Variants in ELMO1 observed in about 807,000 individuals in gnomAD.
The protein encoded by ELMO1 is engulfment and cell motility protein 1.
Under a neutral mutation model 98.9 loss-of-function variants are expected in ELMO1, and 26 were observed. The observed-to-expected ratio is 0.26, with a 90% CI of 0.19 to 0.36. ELMO1 has a LOEUF of 0.36. Ranked by LOEUF, ELMO1 falls within the 10% of genes least tolerant of loss-of-function variation. ELMO1 has a pLI of 1.00. For missense variants in ELMO1, 627 were observed against 935.2 expected (o/e 0.67, Z 4.30); for synonymous variants, 346 against 346.0 (o/e 1.00, Z 0.00).
chr7:37,049,654 G>A (rs1387635912), intron 15 of ELMO1, among the ~76,000 whole-genome samples: 1 of 151,992 alleles, frequency 6.6e-6, no homozygotes, highest in East Asian at 1.9e-4. Flanking sequence ...CAGGAGGAGA[G>A]GGGTCCATCA....
intron 5 of ELMO1, among the ~76,000 whole-genome samples, chr7:37,260,784 C>A (rs745981983): frequency 6.6e-6 from 1 of 151,904 alleles, no homozygotes; most frequent in African/African-American, 2.4e-5. Context: ...GGGAGGAAAA[C>A]GAGAGCCCTC....
intron 1 of ELMO1, among the ~76,000 whole-genome samples, chr7:37,390,932 A>G (rs980197994): frequency 6.6e-6 from 1 of 152,154 alleles, no homozygotes; most frequent in Non-Finnish European, 1.5e-5. Flanking sequence ...CCCATCCCCA[A>G]CTGAATATGT....
intron 1 of ELMO1, among the ~76,000 whole-genome samples, chr7:37,420,576 C>A (rs936166303): frequency 2.0e-4 from 31 of 152,312 alleles, no homozygotes; most frequent in Admixed American, 1.3e-3. Context: ...GCCTTTCCTG[C>A]GTGTGCCACA....
intron 10 of ELMO1, among the ~76,000 whole-genome samples, chr7:37,220,562 C>G (rs1453671872): frequency 6.6e-6 from 1 of 152,142 alleles, no homozygotes; most frequent in African/African-American, 2.4e-5. Flanking sequence ...TTCACAAAAT[C>G]CAAACCTAAT....
At chr7:37,332,368 C>G (rs761459702) in intron 2 of ELMO1, among the ~76,000 whole-genome samples, 5 of 152,154 alleles carry the variant, frequency 3.3e-5, no homozygotes, top group African/African-American at 9.7e-5. Context: ...ATGAGTTTAC[C>G]ACGTGCAGGC....
chr7:37,281,423 C>T lies in ELMO1; in HGVS notation c.193-9541G>A, dbSNP rs1185621319. Among the ~76,000 whole-genome samples, 4 of 152,080 alleles carry T rather than the reference C, an allele frequency of 2.6e-5. No individual in the cohort carries two copies. In the East Asian group the frequency reaches 5.8e-4, roughly 22 times the overall value. ...GAAGAAAAAAACAATGAGGCAATAC[C>T]CCCCACAAACAGGGAAAGGGATTCC... is the stretch of plus-strand genomic sequence containing the variant. On this transcript the variant is annotated intron_variant, in intron 4 of 21. Transcript: ENST00000310758.
At chr7:36,880,097 C>A (rs1188697770) in intron 18 of ELMO1, among the ~76,000 whole-genome samples, 1 of 152,176 alleles carries the variant, frequency 6.6e-6, no homozygotes, top group East Asian at 1.9e-4. Context: ...ACCAGAAAGC[C>A]AACTGGAGAA....
chr7:37,297,884 A>G (rs950983331), intron 4 of ELMO1, among the ~76,000 whole-genome samples: 4 of 152,226 alleles, frequency 2.6e-5, no homozygotes, highest in African/African-American at 9.6e-5. Flanking sequence ...AGAGCTGTGA[A>G]ACAATGTGTA....
intron 15 of ELMO1, among the ~76,000 whole-genome samples, chr7:37,049,298 G>A (rs558165633): frequency 2.0e-5 from 3 of 152,242 alleles, no homozygotes; most frequent in African/African-American, 7.2e-5. Context: ...AGGGCCCCTG[G>A]TTCAGCTCTT....
At chr7:36,909,728 A>T (rs944057870) in intron 16 of ELMO1, among the ~76,000 whole-genome samples, 2 of 152,238 alleles carry the variant, frequency 1.3e-5, no homozygotes, top group African/African-American at 4.8e-5. Context: ...TCACATTGTA[A>T]GAGTGACTTT....
chr7:36,912,006 A>C (rs934883088), intron 16 of ELMO1, among the ~76,000 whole-genome samples: 5 of 152,300 alleles, frequency 3.3e-5, no homozygotes, highest in Non-Finnish European at 5.9e-5. Context: ...TGTTGGGTAA[A>C]CACCATGCAG....
At chr7:37,433,270 T>C (rs544453226) in intron 1 of ELMO1, among the ~76,000 whole-genome samples, 1 of 152,334 alleles carries the variant, frequency 6.6e-6, no homozygotes, top group East Asian at 1.9e-4. Flanking sequence ...AGACATACAC[T>C]GAGTACTTCT....
chr7:36,974,147 G>A (rs1337932396), intron 16 of ELMO1, among the ~76,000 whole-genome samples: 2 of 152,256 alleles, frequency 1.3e-5, no homozygotes, highest in African/African-American at 4.8e-5. Context: ...GGACTGGCAG[G>A]CAGCTCCACC....
chr7:36,879,989 G>T (rs566477816), intron 18 of ELMO1, among the ~76,000 whole-genome samples: 1 of 152,354 alleles, frequency 6.6e-6, no homozygotes, highest in Admixed American at 6.5e-5. Flanking sequence ...TTCCAGAGCA[G>T]GAGGCAATGG....
At chr7:37,165,215 A>G (rs1161893343) in intron 13 of ELMO1, among the ~76,000 whole-genome samples, 2 of 152,228 alleles carry the variant, frequency 1.3e-5, no homozygotes, top group Non-Finnish European at 2.9e-5. Context: ...GAAGTTGCTT[A>G]TCAGCTTAAG....
intron 16 of ELMO1, among the ~76,000 whole-genome samples, chr7:36,996,829 G>A (rs1215992164): frequency 6.6e-6 from 1 of 152,154 alleles, no homozygotes; most frequent in Non-Finnish European, 1.5e-5. Context: ...ACAGATACTG[G>A]GAAGTGCAAG....
intron 16 of ELMO1, among the ~76,000 whole-genome samples, chr7:36,939,138 C>G (rs1303350001): frequency 6.6e-6 from 1 of 151,308 alleles, no homozygotes; most frequent in Non-Finnish European, 1.5e-5. Context: ...GTACTATGGA[C>G]ATAACTGTAT....
chr7:37,178,236 T>C lies in ELMO1; in HGVS notation c.1086+33150A>G, dbSNP rs73339747. 8.6e-3 allele frequency among the ~76,000 whole-genome samples: 1,311 copies of C among 152,056 alleles called. 22 individuals are homozygous for C. The highest frequency in any genetic ancestry group is 0.029 in the African/African-American group (1,206 of 41,458). The stretch of plus-strand genomic sequence containing the variant: ...CAATCATGGCGGAAGGTCAAAGGCA[T>C]GTCTTACACTACAACAGGCAAGGAG... On this transcript the variant is annotated intron_variant, in intron 13 of 21. Transcript: ENST00000310758.
intron 13 of ELMO1, among the ~76,000 whole-genome samples, chr7:37,178,186 G>A (rs560154674): frequency 3.5e-4 from 53 of 152,150 alleles, no homozygotes; most frequent in South Asian, 6.2e-4. Flanking sequence ...TGGACTCACA[G>A]TGCCACGTGG....
Sources: allele counts gnomAD v4.1 joint callset (sites outside exome capture counted in the v4.1 genomes callset), GRCh38; gene constraint gnomAD v4.1.1; transcripts MANE v1.5; gene names NCBI Gene and HGNC (gene_info 2026-07-23, HGNC 2026-07-21).